Variants in LMNB1 observed in about 807,000 individuals in gnomAD.
LMNB1 encodes lamin B1.
A neutral mutation model predicts 67.1 loss-of-function variants in LMNB1; 23 were observed. The ratio of observed to expected loss-of-function variants is 0.34; its 90% CI spans 0.25 to 0.49. The LOEUF (loss-of-function observed/expected upper bound fraction) is 0.49, where lower values mean the gene tolerates loss of function less well. LMNB1 is among the 20% of genes least tolerant of loss of function. The pLI, the probability that LMNB1 is intolerant of heterozygous loss-of-function variation, is 0.99. For synonymous variants in LMNB1, 281 were observed against 282.9 expected, an observed-to-expected ratio of 0.99 and a Z score of 0.07; for missense variants, 634 against 746.5, an observed-to-expected ratio of 0.85 and a Z score of 1.76.
chr5:126,804,702 C>G (rs905131264), intron 1 of LMNB1, 74 bp from the exon 2 acceptor site: 12 of 1,335,626 alleles, frequency 9.0e-6, no homozygotes, highest in African/African-American at 4.5e-5. Flanking sequence ...TTTGTTTGTC[C>G]CTTCAGCAGA....
intron 9 of LMNB1, 135 bp from the exon 10 acceptor site, chr5:126,832,559 C>T (rs779166862): frequency 7.2e-6 from 4 of 553,462 alleles, no homozygotes; most frequent in Admixed American, 3.2e-5. Flanking sequence ...CTTGGCCTCC[C>T]AAAGTGCTGG....
intron 1 of LMNB1, among the ~76,000 whole-genome samples, chr5:126,786,975 T>C (rs972742963): frequency 1.3e-5 from 2 of 152,222 alleles, no homozygotes; most frequent in Admixed American, 1.3e-4. Context: ...TTAAAACCTC[T>C]AAATAAATCT....
Position 126,836,318 on chromosome 5 carries a change from A to G in LMNB1, c.*54A>G. On this transcript the variant is annotated 3_prime_UTR_variant, in exon 11 of 11. Transcript: ENST00000261366. ...GAAGTATGGTAATCTTTACCTGTAT[A>G]CAGTGCAGAGCCTTCTCAGAAGCAC... The G allele has an allele frequency of 8.4e-7, 1 of 1,190,920 alleles. No homozygotes were observed. The highest frequency in any genetic ancestry group is 1.3e-5 in the South Asian group (1 of 79,630). 73.8% of individuals were successfully genotyped at this position (1,190,920 alleles called of 1,614,324 possible). A position where few individuals can be genotyped will look rare whatever the true frequency, so the allele number is the denominator to read the frequency against.
chr5:126,813,932 G>C (rs1751641537), intron 5 of LMNB1, among the ~76,000 whole-genome samples: 1 of 151,808 alleles, frequency 6.6e-6, no homozygotes, highest in South Asian at 2.1e-4. Flanking sequence ...TTTCGTTCTT[G>C]TTGCCCAGGC....
intron 1 of LMNB1, among the ~76,000 whole-genome samples, chr5:126,786,254 C>G (rs1300986389): frequency 6.6e-6 from 1 of 151,022 alleles, no homozygotes; most frequent in South Asian, 2.1e-4. Flanking sequence ...TCCCAAGTAG[C>G]TGGGACTACA....
intron 3 of LMNB1, among the ~76,000 whole-genome samples, chr5:126,807,431 A>G (rs1207580756): frequency 2.6e-5 from 4 of 152,242 alleles, no homozygotes; most frequent in Admixed American, 6.5e-5. Flanking sequence ...CCAGACAAGC[A>G]GTCAGACCTT....
At chr5:126,807,876 T>G (rs12514830) in intron 3 of LMNB1, among the ~76,000 whole-genome samples, 20 of 48,296 alleles carry the variant, frequency 4.1e-4, no homozygotes, top group Non-Finnish European at 7.8e-4. Context: ...TTTTGTTTTT[T>G]TTAACTCTTT....
chr5:126,799,732 G>T (rs1751216908), intron 1 of LMNB1, among the ~76,000 whole-genome samples: 1 of 152,176 alleles, frequency 6.6e-6, no homozygotes, highest in African/African-American at 2.4e-5. Context: ...CAAAACTAGG[G>T]ACCTGGACTG....
At chr5:126,787,548 T>TATATATATA (rs1348320183) in intron 1 of LMNB1, among the ~76,000 whole-genome samples, 10 of 63,540 alleles carry the variant, frequency 1.6e-4, no homozygotes, top group African/African-American at 6.0e-4. Context: ...ATATATATAT[T>TATATATATA]TTTTTTTTTT....
At chr5:126,809,838 C>T (rs1751540872) in intron 3 of LMNB1, among the ~76,000 whole-genome samples, 1 of 152,020 alleles carries the variant, frequency 6.6e-6, no homozygotes, top group Admixed American at 6.5e-5. Flanking sequence ...ATAATTTTTG[C>T]TTAGTGTTTA....
chr5:126,779,430 C>T (rs1372377781), intron 1 of LMNB1, among the ~76,000 whole-genome samples: 1 of 152,174 alleles, frequency 6.6e-6, no homozygotes, highest in African/African-American at 2.4e-5. Context: ...TTAACTCACA[C>T]TATTATTTCT....
chr5:126,819,088 C>G lies in LMNB1; in HGVS notation c.1106C>G (p.Ala369Gly). 6.2e-7 allele frequency: 1 copy of G among 1,614,054 alleles called. No individual in the cohort carries two copies. The highest frequency in any genetic ancestry group is 1.3e-5 in the African/African-American group (1 of 75,004). ...GAACAGCTTCTTGATGTAAAGTTAG[C>G]CCTGGACATGGAAATCAGTGCTTAC... ...DYEQLLDVKL[A>G]LDMEISAYRK... The change falls in exon 6 of 11, where the codon GCC becomes GGC. Residue 369 changes from alanine to glycine, a missense_variant. Ala to Gly is a moderately conservative substitution (Grantham distance 60, BLOSUM62 0). Transcript: ENST00000261366.
intron 1 of LMNB1, among the ~76,000 whole-genome samples, chr5:126,780,489 T>C (rs550667221): frequency 2.0e-5 from 3 of 152,324 alleles, no homozygotes. Flanking sequence ...GCATGCTGGT[T>C]TCAGCGGGGT....
intron 8 of LMNB1, among the ~76,000 whole-genome samples, chr5:126,824,984 G>T (rs1751963851): frequency 6.6e-6 from 1 of 151,894 alleles, no homozygotes; most frequent in South Asian, 2.1e-4. Flanking sequence ...CACTACACCT[G>T]GCCCCCATTT....
intron 3 of LMNB1, 88 bp downstream of exon 3, chr5:126,805,784 A>G (rs1448106380): frequency 9.8e-7 from 1 of 1,016,194 alleles, no homozygotes; most frequent in African/African-American, 1.6e-5. Context: ...TATTTTATTT[A>G]TGATTTCTTT....
In LMNB1 at chr5:126,832,623, G is replaced by T. The variant is rs951538812; in HGVS notation, c.1612-71G>T. 15 of 1,106,752 alleles carry T rather than the reference G, an allele frequency of 1.4e-5. No individual in the cohort carries two copies. In the South Asian group the frequency reaches 1.9e-4, roughly 14 times the overall value. 68.6% of individuals were successfully genotyped at this position (1,106,752 alleles called of 1,614,324 possible). On this transcript the variant is annotated intron_variant, in intron 9 of 10. Coordinates refer to ENST00000261366, the MANE Select transcript of LMNB1 (RefSeq NM_005573.4). ...CAAGAAATGCTGTCTCTTAAGCAAA[G>T]AAAAGGTCCCTCTCCCCCGCATTTG...
Position 126,836,355 on chromosome 5 carries a change from A to G in LMNB1, c.*91A>G. ...CTTCTCAGAAGCACAGAATATTTTT[A>G]TATTTCCTTTATGTGAATTTTTAAG... On this transcript the variant is annotated 3_prime_UTR_variant, in exon 11 of 11. Transcript: ENST00000261366. The G allele has an allele frequency of 1.1e-6, 1 of 882,632 alleles. No homozygotes were observed. 54.7% of individuals were successfully genotyped at this position (882,632 alleles called of 1,614,324 possible).
At position 126,819,145 on chromosome 5, in the gene LMNB1, A is replaced by G; in HGVS notation, c.1160+3A>G. 1 of 1,607,874 alleles carries G rather than the reference A, an allele frequency of 6.2e-7. No individual in the cohort carries two copies. The highest frequency in any genetic ancestry group is 8.5e-7 in the Non-Finnish European group (1 of 1,174,616). On this transcript the variant is annotated splice_donor_region_variant and intron_variant, in intron 6 of 10. Transcript: ENST00000261366. The stretch of plus-strand genomic sequence containing the variant: ...CTCTTAGAAGGCGAAGAAGAGAGGT[A>G]AGGAACTTAAGGGTCACCCTACCTT...
chr5:126,806,991 A>G (rs1751456240), intron 3 of LMNB1, among the ~76,000 whole-genome samples: 3 of 152,028 alleles, frequency 2.0e-5, no homozygotes, highest in African/African-American at 7.3e-5. Flanking sequence ...GTTAGCCAGG[A>G]TGGTCTCAAT....
Sources: allele counts gnomAD v4.1 joint callset (sites outside exome capture counted in the v4.1 genomes callset), GRCh38; gene constraint gnomAD v4.1.1; transcripts MANE v1.5; gene names NCBI Gene and HGNC (gene_info 2026-07-23, HGNC 2026-07-21).